Variants in GRM7 observed in about 807,000 individuals in gnomAD.
GRM7 encodes the protein metabotropic glutamate receptor 7.
Under a neutral mutation model 84.5 loss-of-function variants are expected in GRM7, and 35 were observed. That is an observed-to-expected ratio of 0.41 (90% confidence interval 0.32 to 0.55). GRM7 has a LOEUF of 0.55. GRM7 is among the 20% of genes least tolerant of loss of function. The probability of loss-of-function intolerance (pLI) is 0.19; values close to 1 mark genes in which losing one functional copy is unlikely to be tolerated. For synonymous variants in GRM7, 487 were observed against 455.1 expected (o/e 1.07, Z -0.89); for missense variants, 1,003 against 1,194.6 (o/e 0.84, Z 2.36).
At chr3:7,159,457 A>G (rs997740490) in intron 2 of GRM7, among the ~76,000 whole-genome samples, 2 of 152,100 alleles carry the variant, frequency 1.3e-5, no homozygotes, top group African/African-American at 2.4e-5. Flanking sequence ...TGGGAGGGAG[A>G]TCAAGCTTCA....
At chr3:7,461,467 G>A (rs376778869) in intron 6 of GRM7, 116 bp from the exon 7 acceptor site, 16 of 785,424 alleles carry the variant, frequency 2.0e-5, no homozygotes, top group Non-Finnish European at 3.2e-5. Context: ...CTATTAAAGG[G>A]GATATCTAGT....
intron 1 of GRM7, among the ~76,000 whole-genome samples, chr3:6,978,463 T>C (rs1395588566): frequency 6.6e-6 from 1 of 152,184 alleles, no homozygotes; most frequent in East Asian, 1.9e-4. Context: ...GCAAGGGCAC[T>C]GGAAATTATT....
chr3:7,363,173 A>G (rs1693742557), intron 4 of GRM7, among the ~76,000 whole-genome samples: 1 of 151,572 alleles, frequency 6.6e-6, no homozygotes, highest in Non-Finnish European at 1.5e-5. Context: ...AATAAAATAT[A>G]TAAATATAAA....
chr3:6,905,091 C>T (rs1489690966), intron 1 of GRM7, among the ~76,000 whole-genome samples: 1 of 152,094 alleles, frequency 6.6e-6, no homozygotes, highest in Non-Finnish European at 1.5e-5. Flanking sequence ...CCTTAGTTGT[C>T]TGGAGAACTT....
chr3:7,657,317 C>T (rs1418143361), intron 8 of GRM7, among the ~76,000 whole-genome samples: 1 of 152,118 alleles, frequency 6.6e-6, no homozygotes, highest in East Asian at 1.9e-4. Flanking sequence ...GCCTGTCATG[C>T]CATAACACGC....
intron 7 of GRM7, among the ~76,000 whole-genome samples, chr3:7,536,943 T>G (rs1279075046): frequency 6.6e-6 from 1 of 152,218 alleles, no homozygotes; most frequent in East Asian, 1.9e-4. Flanking sequence ...TATGGAATAA[T>G]AGATAACTCA....
chr3:7,136,598 C>T (rs1366467713), intron 1 of GRM7, among the ~76,000 whole-genome samples: 3 of 151,944 alleles, frequency 2.0e-5, no homozygotes, highest in African/African-American at 7.3e-5. Context: ...CTAAAGCAGC[C>T]CATCAGAGAC....
chr3:7,513,144 A>C (rs1700268627), intron 7 of GRM7, among the ~76,000 whole-genome samples: 1 of 152,166 alleles, frequency 6.6e-6, no homozygotes, highest in South Asian at 2.1e-4. Context: ...GAGAAAACAG[A>C]TTCCCTATAA....
intron 9 of GRM7, among the ~76,000 whole-genome samples, chr3:7,713,114 A>ATTTTTTTTTTTTTTTTTTT (rs1165234212): frequency 5.4e-5 from 7 of 129,850 alleles, no homozygotes; most frequent in Non-Finnish European, 9.6e-5. Flanking sequence ...GAGGATTCGA[A>ATTTTTTTTTTTTTTTTTTT]TTTTGTTTTG....
rs143977583 is a variant in GRM7 at position 7,113,143 on chromosome 3, T to C, written c.520-33309T>C. 4.2e-3 allele frequency among the ~76,000 whole-genome samples: 644 copies of C among 152,216 alleles called. 7 individuals carry two copies. The highest frequency in any genetic ancestry group is 0.015 in the African/African-American group (622 of 41,542). ...TTTTTTTAACACTATAAAACACACT[T>C]AAAAATCATTGTGTACTTGAAATGT... On this transcript the variant is annotated intron_variant, in intron 1 of 9. Coordinates refer to ENST00000357716, the MANE Select transcript of GRM7 (RefSeq NM_000844.4).
intron 1 of GRM7, among the ~76,000 whole-genome samples, chr3:6,934,404 G>C (rs1003043273): frequency 3.3e-5 from 5 of 151,878 alleles, no homozygotes; most frequent in Non-Finnish European, 7.4e-5. Flanking sequence ...CCCCCACCCT[G>C]CCCCATCTCT....
At chr3:7,147,140 A>T (rs1368760033) in intron 2 of GRM7, among the ~76,000 whole-genome samples, 1 of 152,232 alleles carries the variant, frequency 6.6e-6, no homozygotes, top group East Asian at 1.9e-4. Flanking sequence ...TAAATAAATT[A>T]TCCAGGCAGT....
intron 1 of GRM7, among the ~76,000 whole-genome samples, chr3:6,947,839 T>C (rs764815763): frequency 6.6e-6 from 1 of 152,166 alleles, no homozygotes; most frequent in Non-Finnish European, 1.5e-5. Flanking sequence ...AGTTTATTTG[T>C]GTAGAGGTGT....
At chr3:7,132,352 A>T (rs1693629820) in intron 1 of GRM7, among the ~76,000 whole-genome samples, 1 of 152,192 alleles carries the variant, frequency 6.6e-6, no homozygotes, top group Admixed American at 6.5e-5. Flanking sequence ...TATTTAAATA[A>T]TTCCTGGGTA....
intron 1 of GRM7, among the ~76,000 whole-genome samples, chr3:7,098,647 G>A (rs1444014164): frequency 2.0e-5 from 3 of 151,934 alleles, no homozygotes; most frequent in African/African-American, 4.8e-5. Flanking sequence ...TTACTCTTCA[G>A]TAGGACTATA....
At chr3:7,636,027 A>ATTAT (rs1275828116) in intron 8 of GRM7, among the ~76,000 whole-genome samples, 1 of 152,194 alleles carries the variant, frequency 6.6e-6, no homozygotes, top group African/African-American at 2.4e-5. Context: ...GCACATCTAA[A>ATTAT]TTATTAATCA....
At chr3:7,726,912 T>C (rs929480065) in intron 9 of GRM7, among the ~76,000 whole-genome samples, 4 of 151,834 alleles carry the variant, frequency 2.6e-5, no homozygotes, top group Admixed American at 2.6e-4. Flanking sequence ...TTTTTAATCT[T>C]TTTGTTTCTT....
chr3:7,025,074 T>C (rs1376376643), intron 1 of GRM7, among the ~76,000 whole-genome samples: 1 of 152,218 alleles, frequency 6.6e-6, no homozygotes, highest in African/African-American at 2.4e-5. Context: ...CATGGGCCTC[T>C]GTTTGTCATC....
intron 8 of GRM7, among the ~76,000 whole-genome samples, chr3:7,671,965 GC>G (rs1412593424): frequency 6.6e-6 from 1 of 152,050 alleles, no homozygotes; most frequent in Non-Finnish European, 1.5e-5. Flanking sequence ...AAAGAAACTT[GC>G]CCAAAGTCAC....
Sources: gnomAD v4.1 joint callset for allele counts (sites outside exome capture counted in the v4.1 genomes callset) on GRCh38, gnomAD v4.1.1 for gene constraint, MANE v1.5 for transcripts, NCBI Gene and HGNC (gene_info 2026-07-23, HGNC 2026-07-21) for gene names.